The following COLQ variants were observed in gnomAD, a reference collection of about 807,000 sequenced individuals.
COLQ encodes acetylcholinesterase collagenic tail peptide.
COLQ carries 48 observed loss-of-function variants against 69.0 expected under a neutral mutation model. The ratio of observed to expected loss-of-function variants is 0.70; its 90% CI spans 0.55 to 0.88. The LOEUF is 0.88. Among genes scored for constraint, COLQ ranks in the 40% least tolerant of loss-of-function variants. The pLI, the probability that COLQ is intolerant of heterozygous loss-of-function variation, is 0.00. For synonymous variants in COLQ, 217 were observed against 211.2 expected (o/e 1.03, Z -0.24); for missense variants, 618 against 594.6 (o/e 1.04, Z -0.41).
intron 3 of COLQ, among the ~76,000 whole-genome samples, chr3:15,487,459 T>G (rs1163064077): frequency 6.6e-6 from 1 of 152,138 alleles, no homozygotes; most frequent in Non-Finnish European, 1.5e-5. Flanking sequence ...GTAATCCAGG[T>G]GAGCCTTCAA....
chr3:15,455,860 G>A (rs370159858), intron 15 of COLQ, 39 bp downstream of exon 15: 11 of 1,613,444 alleles, frequency 6.8e-6, no homozygotes, highest in Admixed American at 1.7e-5. Flanking sequence ...CCCCCCTGCT[G>A]TTCAGGCCTC....
At chr3:15,492,980 C>A (rs1342480717) in intron 1 of COLQ, among the ~76,000 whole-genome samples, 1 of 152,206 alleles carries the variant, frequency 6.6e-6, no homozygotes, top group Non-Finnish European at 1.5e-5. Flanking sequence ...AACGCCAAAG[C>A]AGCATCCACT....
chr3:15,484,842 T>C (rs2062549195), intron 3 of COLQ, among the ~76,000 whole-genome samples: 1 of 151,998 alleles, frequency 6.6e-6, no homozygotes. Flanking sequence ...GGTTTTAGCT[T>C]CTTTAGCTCG....
At chr3:15,484,962 G>A (rs1204377453) in intron 3 of COLQ, among the ~76,000 whole-genome samples, 2 of 152,238 alleles carry the variant, frequency 1.3e-5, no homozygotes, top group Non-Finnish European at 2.9e-5. Flanking sequence ...TCCTTTGGAG[G>A]AGAAGAGGCA....
intron 1 of COLQ, among the ~76,000 whole-genome samples, chr3:15,510,395 G>A (rs984342155): frequency 6.6e-6 from 1 of 151,948 alleles, no homozygotes; most frequent in Non-Finnish European, 1.5e-5. Flanking sequence ...TTTTACAGAT[G>A]TGGAAACTGA....
At chr3:15,455,577 T>C (rs1003026858) in intron 15 of COLQ, among the ~76,000 whole-genome samples, 4 of 152,308 alleles carry the variant, frequency 2.6e-5, no homozygotes, top group Middle Eastern at 6.8e-3. Context: ...ATCACCTTTA[T>C]CTTCTGCACC....
At chr3:15,466,475 G>T in intron 11 of COLQ, 38 bp from the exon 12 acceptor site, 2 of 1,549,490 alleles carry the variant, frequency 1.3e-6, no homozygotes, top group South Asian at 1.1e-5. Context: ...ATGAAAGCAT[G>T]ACATAGCAAG....
At chr3:15,480,601 T>C (rs1468037612) in intron 3 of COLQ, among the ~76,000 whole-genome samples, 1 of 152,230 alleles carries the variant, frequency 6.6e-6, no homozygotes, top group African/African-American at 2.4e-5. Context: ...TTTGGGTTGG[T>C]TCCAAGTCTT....
chr3:15,518,002 A>G (rs1359347746), intron 1 of COLQ, among the ~76,000 whole-genome samples: 1 of 152,070 alleles, frequency 6.6e-6, no homozygotes, highest in Non-Finnish European at 1.5e-5. Context: ...TTGGAGTGCA[A>G]TGGCGCGATC....
intron 6 of COLQ, among the ~76,000 whole-genome samples, 154 bp downstream of exon 6, chr3:15,476,972 G>C (rs371639464): frequency 1.6e-4 from 25 of 152,362 alleles, no homozygotes; most frequent in African/African-American, 5.3e-4. Context: ...GAAGGAGGAA[G>C]TATCTGGGGC....
intron 1 of COLQ, among the ~76,000 whole-genome samples, chr3:15,493,356 TAAC>T (rs945388982): frequency 6.6e-6 from 1 of 152,192 alleles, no homozygotes; most frequent in Non-Finnish European, 1.5e-5. Context: ...ATTGTAAAGT[TAAC>T]AACTGTCAGA....
chr3:15,494,241 G>A (rs965395887), intron 1 of COLQ, among the ~76,000 whole-genome samples: 1 of 152,196 alleles, frequency 6.6e-6, no homozygotes, highest in Non-Finnish European at 1.5e-5. Context: ...AATGGTGCTG[G>A]AGAACACTGT....
intron 1 of COLQ, among the ~76,000 whole-genome samples, chr3:15,521,197 A>G (rs1326689131): frequency 1.3e-5 from 2 of 152,222 alleles, no homozygotes; most frequent in African/African-American, 4.8e-5. Flanking sequence ...TATTACTTGC[A>G]CACCTCTGTC....
chr3:15,492,683 CT>C (rs1193579062), intron 1 of COLQ, among the ~76,000 whole-genome samples: 1 of 151,282 alleles, frequency 6.6e-6, no homozygotes, highest in African/African-American at 2.4e-5. Context: ...AAAAAAAATG[CT>C]GTGTAAAAGA....
chr3:15,478,144 T>A (rs9917794), intron 5 of COLQ, among the ~76,000 whole-genome samples: 1,715 of 152,340 alleles, frequency 0.011, 30 homozygotes, highest in African/African-American at 0.039. Context: ...TTGTTAGGCC[T>A]GAGCATGGAC....
intron 15 of COLQ, 145 bp from the exon 16 acceptor site, chr3:15,454,076 C>T: frequency 1.5e-6 from 1 of 664,624 alleles, no homozygotes; most frequent in Non-Finnish European, 2.7e-6. Flanking sequence ...TCACACTCCT[C>T]CAGGGACTGC....
At chr3:15,519,708 G>A (rs991370704) in intron 1 of COLQ, among the ~76,000 whole-genome samples, 5 of 152,170 alleles carry the variant, frequency 3.3e-5, no homozygotes, top group Non-Finnish European at 5.9e-5. Context: ...TCTGCAAAAA[G>A]CTTACCTAAG....
At chr3:15,488,563 G>T (rs73031538) in intron 2 of COLQ, among the ~76,000 whole-genome samples, 199 of 152,190 alleles carry the variant, frequency 1.3e-3, no homozygotes, top group Admixed American at 3.5e-3. Context: ...CTCATTTCAG[G>T]GGCCTCTATC....
chr3:15,474,892 G>C (rs775020597), intron 8 of COLQ, 33 bp downstream of exon 8: 6 of 1,612,694 alleles, frequency 3.7e-6, no homozygotes, highest in Non-Finnish European at 3.4e-6. Flanking sequence ...GCCCAGACCA[G>C]GCTCTAGGAC....
Sources: allele counts gnomAD v4.1 joint callset (sites outside exome capture counted in the v4.1 genomes callset), GRCh38; gene constraint gnomAD v4.1.1; transcripts MANE v1.5; gene names NCBI Gene and HGNC (gene_info 2026-07-23, HGNC 2026-07-21).